Variants in CEMIP observed in about 807,000 individuals in gnomAD.
CEMIP encodes the protein cell migration inducing hyaluronidase 1.
A neutral mutation model predicts 156.9 loss-of-function variants in CEMIP; 105 were observed. That is an observed-to-expected ratio of 0.67 (90% CI 0.57 to 0.79). The LOEUF (loss-of-function observed/expected upper bound fraction) is 0.79. CEMIP is among the 30% of genes least tolerant of loss of function. The pLI is 0.00. For synonymous variants in CEMIP, 676 were observed against 668.4 expected, an observed-to-expected ratio of 1.01 and a Z score of -0.17; for missense variants, 1,457 against 1,769.4, an observed-to-expected ratio of 0.82 and a Z score of 3.17.
intron 17 of CEMIP, among the ~76,000 whole-genome samples, chr15:80,924,158 A>G (rs1900572077): frequency 6.6e-6 from 1 of 152,252 alleles, no homozygotes; most frequent in South Asian, 2.1e-4. Context: ...TCTTCAAGAC[A>G]GGCAGGAGCT....
chr15:80,894,855 T>G (rs1466975049), intron 10 of CEMIP, 135 bp from the exon 11 acceptor site: 1 of 1,065,164 alleles, frequency 9.4e-7, no homozygotes, highest in African/African-American at 1.6e-5. Context: ...GGGATAATCA[T>G]CTCGGGCCGT....
intron 5 of CEMIP, 42 bp from the exon 6 acceptor site, chr15:80,880,858 G>C (rs1378684350): frequency 3.3e-5 from 50 of 1,534,686 alleles, no homozygotes; most frequent in Non-Finnish European, 4.3e-5. Flanking sequence ...ATCCAGTAAA[G>C]AGATGTGTCA....
At position 80,828,684 on chromosome 15, in the gene CEMIP, C is replaced by T. The variant is rs142299315; in HGVS notation, c.-175-44854C>T. On this transcript the variant is annotated intron_variant, in intron 1 of 29. Coordinates refer to ENST00000394685, the MANE Select transcript of CEMIP (RefSeq NM_001293298.2). ...CACATGGAGTTTTCTAAAAGCAGGGCGTAGTGGAATTGAATCTTCTAAGAA... is the reference window on the plus strand; with the variant it reads ...CACATGGAGTTTTCTAAAAGCAGGGTGTAGTGGAATTGAATCTTCTAAGAA... Among the ~76,000 whole-genome samples the T allele has an allele frequency of 4.5e-4, 69 of 152,246 alleles. No homozygotes were observed. The East Asian group carries it at 7.9e-3, about 17-fold the overall frequency.
At chr15:80,788,486 AG>A (rs1376521310) in intron 1 of CEMIP, among the ~76,000 whole-genome samples, 20 of 149,670 alleles carry the variant, frequency 1.3e-4, no homozygotes, top group Non-Finnish European at 2.8e-4. Context: ...AAAAAAAAAA[AG>A]AAAAAAGAAA....
chr15:80,831,494 G>A (rs954002718), intron 1 of CEMIP, among the ~76,000 whole-genome samples: 21 of 152,192 alleles, frequency 1.4e-4, no homozygotes, highest in Non-Finnish European at 2.8e-4. Context: ...AGGATGCACA[G>A]CGTGTTGGCT....
At chr15:80,895,803 A>G (rs1899199081) in intron 11 of CEMIP, 66 bp from the exon 12 acceptor site, 4 of 1,492,692 alleles carry the variant, frequency 2.7e-6, no homozygotes, top group Middle Eastern at 1.7e-4. Flanking sequence ...AAGGGAAAAA[A>G]GAGGTAGCCA....
chr15:80,790,085 T>C (rs1356843042), intron 1 of CEMIP, among the ~76,000 whole-genome samples: 2 of 152,178 alleles, frequency 1.3e-5, no homozygotes, highest in East Asian at 1.9e-4. Flanking sequence ...TCAGTGGAGA[T>C]GGCTTCTCAT....
intron 1 of CEMIP, among the ~76,000 whole-genome samples, chr15:80,808,696 G>A (rs757797982): frequency 6.6e-6 from 1 of 151,634 alleles, no homozygotes; most frequent in Non-Finnish European, 1.5e-5. Flanking sequence ...AGTTTGGGTA[G>A]CATCTGCTTT....
At chr15:80,834,786 A>G (rs553708896) in intron 1 of CEMIP, among the ~76,000 whole-genome samples, 4 of 152,282 alleles carry the variant, frequency 2.6e-5, no homozygotes, top group Admixed American at 2.6e-4. Context: ...TCACCTTGTC[A>G]GTTTCCATTA....
intron 14 of CEMIP, chr15:80,909,821 T>A (rs924082162): frequency 5.6e-6 from 2 of 354,224 alleles, no homozygotes; most frequent in African/African-American, 2.1e-5. Flanking sequence ...TTTCCACAGA[T>A]AATTTTCGTA....
chr15:80,881,202 T>A (rs1381671489), intron 6 of CEMIP, 66 bp downstream of exon 6: 14 of 1,399,962 alleles, frequency 1.0e-5, no homozygotes, highest in Non-Finnish European at 1.4e-5. Flanking sequence ...GTGTGCTCCC[T>A]GGCCAGGTGC....
rs369032605 is a variant in CEMIP at position 80,879,868 on chromosome 15, T to A, written c.380+14T>A. The A allele has an allele frequency of 5.0e-5, 81 of 1,613,952 alleles. No homozygotes were observed. In the African/African-American group the frequency reaches 1.0e-3, roughly 20 times the overall value. On this transcript the variant is annotated intron_variant, in intron 5 of 29. Transcript: ENST00000394685. ...TTTGTATGGAAGGTGCGTAGACCACTCCTACAGATCAAATGCTACCCATGG... is the reference window on the plus strand; with the variant it reads ...TTTGTATGGAAGGTGCGTAGACCACACCTACAGATCAAATGCTACCCATGG...
At chr15:80,923,167 A>T (rs1365908894) in intron 17 of CEMIP, among the ~76,000 whole-genome samples, 1 of 152,148 alleles carries the variant, frequency 6.6e-6, no homozygotes, top group African/African-American at 2.4e-5. Context: ...ACAGAAGCAG[A>T]GTCCCCAGGC....
At position 80,912,808 on chromosome 15, in the gene CEMIP, C is replaced by T. The variant is rs529563094; in HGVS notation, c.1797+3502C>T. Among the ~76,000 whole-genome samples, 5 of 152,268 alleles carry T rather than the reference C, an allele frequency of 3.3e-5. No individual in the cohort carries two copies. The South Asian group carries it at 1.0e-3, about 32-fold the overall frequency. ...TCCATCAGTATTTTACATTTGCTTC[C>T]TTCATTTTGGCTTGAAGGATTTACT... is the stretch of plus-strand genomic sequence containing the variant. On this transcript the variant is annotated intron_variant, in intron 14 of 29. Transcript: ENST00000394685.
At chr15:80,893,712 G>A (rs560296381) in intron 10 of CEMIP, among the ~76,000 whole-genome samples, 4 of 152,172 alleles carry the variant, frequency 2.6e-5, no homozygotes, top group African/African-American at 4.8e-5. Flanking sequence ...GGGTGTGAGT[G>A]TGTTTTTGCA....
At chr15:80,905,068 G>A (rs373029942) in intron 12 of CEMIP, among the ~76,000 whole-genome samples, 2 of 152,214 alleles carry the variant, frequency 1.3e-5, no homozygotes, top group African/African-American at 4.8e-5. Context: ...GGGTGAAGGG[G>A]CAGGCAAGAG....
In CEMIP at chr15:80,829,653, C is replaced by G. The variant is rs532516569; in HGVS notation, c.-175-43885C>G. Among the ~76,000 whole-genome samples, 10 of 152,306 alleles carry G rather than the reference C, an allele frequency of 6.6e-5. No homozygotes were observed. In the South Asian group the frequency reaches 2.1e-3, roughly 32 times the overall value. The stretch of plus-strand genomic sequence containing the variant: ...TTTCAGCCAGTGCAACTGCTCTTAT[C>G]AATTAACTACTGGGATGTTATGAGG... On this transcript the variant is annotated intron_variant, in intron 1 of 29. Transcript: ENST00000394685.
chr15:80,813,890 C>T (rs1301941161), intron 1 of CEMIP, among the ~76,000 whole-genome samples: 1 of 152,064 alleles, frequency 6.6e-6, no homozygotes, highest in Non-Finnish European at 1.5e-5. Context: ...ACTTAAAATC[C>T]ACTAGCCCCT....
At position 80,879,724 on chromosome 15, in the gene CEMIP, G is replaced by A. The variant is rs757542063; in HGVS notation, c.250G>A (p.Val84Ile). 4 of 1,614,176 alleles carry A rather than the reference G, an allele frequency of 2.5e-6. No individual in the cohort carries two copies. The highest frequency in any genetic ancestry group is 3.4e-6 in the Non-Finnish European group (4 of 1,180,030). Residue 84 changes from valine (V) to isoleucine (I), a missense_variant, in exon 5 of 30, where the codon GTC (valine) becomes ATC (isoleucine). Val to Ile is a conservative substitution (Grantham distance 29). Coordinates refer to ENST00000394685, the MANE Select transcript of CEMIP (RefSeq NM_001293298.2). ...SIHISEGGKL[V>I]IKDHDEPIVL... The stretch of plus-strand genomic sequence containing the variant: ...CAATGCTACCTCTTCAGGCAAGCTG[G>A]TCATTAAAGACCACGACGAGCCGAT...
Sources: allele counts gnomAD v4.1 joint callset (sites outside exome capture counted in the v4.1 genomes callset), GRCh38; gene constraint gnomAD v4.1.1; transcripts MANE v1.5; gene names NCBI Gene and HGNC (gene_info 2026-07-23, HGNC 2026-07-21).